Variants in DNASE1 observed in about 807,000 individuals in gnomAD.
DNASE1 encodes the protein deoxyribonuclease 1.
DNASE1 carries 40 observed loss-of-function variants against 33.9 expected under a neutral mutation model. That is an observed-to-expected ratio of 1.18 (90% confidence interval 0.92 to 1.54). The LOEUF (loss-of-function observed/expected upper bound fraction) is 1.54. DNASE1 is among the 40% of genes most tolerant of loss of function. DNASE1 has a pLI of 0.00. For synonymous variants in DNASE1, 216 were observed against 160.0 expected, an observed-to-expected ratio of 1.35 and a Z score of -2.64; for missense variants, 518 against 372.6, an observed-to-expected ratio of 1.39 and a Z score of -3.21.
chr16:3,660,860 G>GT (rs2043033645), downstream of DNASE1: 1 of 152,126 alleles, frequency 6.6e-6, no homozygotes, highest in Non-Finnish European at 1.5e-5. Context: ...GGAGGTAGAA[G>GT]TTGCAGTGAG....
Position 3,656,119 on chromosome 16 carries a change from A to G in DNASE1, c.254A>G (p.Tyr85Cys), listed in dbSNP as rs748381738. Residue 85 changes from tyrosine to cysteine, a missense_variant, in exon 4 of 9, where the codon TAT becomes TGT. By Grantham distance (194) the Tyr-to-Cys change is radical (BLOSUM62 -2). Coordinates refer to ENST00000246949, the MANE Select transcript of DNASE1 (RefSeq NM_005223.4). ...CAATCCAGGGATGCACCAGACACCT[A>G]TCACTACGTGGTCAGTGAGCCACTG... Reference protein sequence around the residue: ...DNLNQDAPDTYHYVVSEPLGR... With the variant: ...DNLNQDAPDTCHYVVSEPLGR... 4 of 1,614,088 alleles carry G rather than the reference A, an allele frequency of 2.5e-6. No individual in the cohort carries two copies. The highest frequency in any genetic ancestry group is 4.5e-5 in the East Asian group (2 of 44,866).
At chr16:3,662,955 A>G (rs374102889), downstream of DNASE1, 3 of 1,611,038 alleles carry the variant, frequency 1.9e-6, no homozygotes, top group Non-Finnish European at 2.5e-6. Context: ...CTTCTCTGAT[A>G]GGCACTCGGC....
upstream of DNASE1, chr16:3,651,742 G>A (rs1470174673): frequency 1.3e-5 from 2 of 152,772 alleles, no homozygotes; most frequent in East Asian, 1.9e-4. Context: ...CCAGGCAGCA[G>A]AGCCACCCCA....
Position 3,657,108 on chromosome 16 carries a change from G to T in DNASE1, c.546G>T (p.Leu182Phe). 1 of 1,614,122 alleles carries T rather than the reference G, an allele frequency of 6.2e-7. No homozygotes were observed. Among genetic ancestry groups the T allele is most frequent in the South Asian group, 1.1e-5 (1 of 91,088 alleles). Reference protein sequence around the residue: ...VYLDVQEKWGLEDVMLMGDFN... With the variant: ...VYLDVQEKWGFEDVMLMGDFN... ...TGGATGTCCAAGAGAAATGGGGCTT[G>T]GAGGTGAGGCCCTCCCAGGGGCAGT... The change falls in exon 6 of 9, where the codon TTG becomes TTT. Residue 182 changes from leucine (L) to phenylalanine (F), a missense_variant. Physicochemically the swap from Leu to Phe is conservative, Grantham distance 22. Coordinates refer to ENST00000246949, the MANE Select transcript of DNASE1 (RefSeq NM_005223.4).
chr16:3,636,404 C>T (rs140257730), intron 1 of DNASE1, among the ~76,000 whole-genome samples: 2 of 152,182 alleles, frequency 1.3e-5, no homozygotes, highest in African/African-American at 4.8e-5. Flanking sequence ...TGTGATAATT[C>T]TAACATCTCT....
chr16:3,655,692 G>C (rs751384681), intron 2 of DNASE1, among the ~76,000 whole-genome samples, 157 bp from the exon 3 acceptor site: 2 of 152,200 alleles, frequency 1.3e-5, no homozygotes, highest in Non-Finnish European at 2.9e-5. Context: ...CATCCCTGCT[G>C]TGCTGTCCCT....
chr16:3,657,600 T>C, intron 7 of DNASE1, 120 bp from the exon 8 acceptor site: 1 of 1,410,540 alleles, frequency 7.1e-7, no homozygotes, highest in Non-Finnish European at 9.8e-7. Context: ...GGGTGTGCAG[T>C]TTTGGGCACC....
chr16:3,648,975 C>A (rs2042251625), intron 1 of DNASE1, among the ~76,000 whole-genome samples: 1 of 152,186 alleles, frequency 6.6e-6, no homozygotes, highest in South Asian at 2.1e-4. Flanking sequence ...TGTCCTTTGC[C>A]ATCTACGATT....
upstream of DNASE1, among the ~76,000 whole-genome samples, chr16:3,641,921 C>T (rs12920491): frequency 3.3e-5 from 5 of 152,220 alleles, 1 homozygote; most frequent in South Asian, 8.3e-4. Context: ...CCAGCCGTCC[C>T]ACCCAGGAAA....
At chr16:3,661,665 A>G, downstream of DNASE1, 1 of 293,920 alleles carries the variant, frequency 3.4e-6, no homozygotes, top group Non-Finnish European at 6.3e-6. Flanking sequence ...GCAAACACCA[A>G]GATCCACGTA....
intron 1 of DNASE1, among the ~76,000 whole-genome samples, chr16:3,635,710 T>G (rs1344475154): frequency 6.9e-6 from 1 of 144,386 alleles, no homozygotes; most frequent in South Asian, 2.1e-4. Flanking sequence ...TTAATAGGGT[T>G]TTTTTTTTTT....
At chr16:3,646,043 G>A (rs549926748) in intron 1 of DNASE1, among the ~76,000 whole-genome samples, 3 of 152,114 alleles carry the variant, frequency 2.0e-5, no homozygotes, top group Admixed American at 6.5e-5. Flanking sequence ...AAAGAACCCC[G>A]AGTAGAGCCA....
At chr16:3,649,287 G>A (rs542303165) in intron 1 of DNASE1, among the ~76,000 whole-genome samples, 10 of 152,302 alleles carry the variant, frequency 6.6e-5, no homozygotes, top group East Asian at 1.9e-4. Flanking sequence ...GAGCCTTCTC[G>A]AGCTATGGGT....
downstream of DNASE1, chr16:3,660,632 A>G (rs1052869848): frequency 3.9e-5 from 6 of 152,260 alleles, no homozygotes; most frequent in African/African-American, 1.2e-4. Flanking sequence ...GTGCACTGAC[A>G]GCCATAAGCC....
At chr16:3,659,615 C>T (rs1057064958), downstream of DNASE1, 2 of 152,016 alleles carry the variant, frequency 1.3e-5, no homozygotes, top group East Asian at 1.9e-4. Flanking sequence ...CTGATAAAAC[C>T]GAGGGCTCTG....
intron 1 of DNASE1, among the ~76,000 whole-genome samples, chr16:3,636,446 A>G (rs978587100): frequency 6.6e-6 from 1 of 152,130 alleles, no homozygotes; most frequent in African/African-American, 2.4e-5. Context: ...GATGCTTGCT[A>G]TATCTCTTCA....
chr16:3,612,469 T>TC (rs1330627519), intron 1 of DNASE1, among the ~76,000 whole-genome samples: 4 of 150,826 alleles, frequency 2.7e-5, no homozygotes, highest in Non-Finnish European at 5.9e-5. Flanking sequence ...CAGGCTGGTC[T>TC]CCAACTCCTG....
chr16:3,621,448 G>C (rs944769485), intron 1 of DNASE1, among the ~76,000 whole-genome samples: 2 of 152,128 alleles, frequency 1.3e-5, no homozygotes, highest in East Asian at 3.8e-4. Flanking sequence ...CTTCAGAAGG[G>C]TACAAAAATT....
intron 1 of DNASE1, among the ~76,000 whole-genome samples, chr16:3,637,729 A>T (rs554596701): frequency 1.3e-4 from 20 of 152,150 alleles, no homozygotes; most frequent in Admixed American, 5.2e-4. Flanking sequence ...GTATGAGAGG[A>T]TCTTTCTCTG....
Sources: gnomAD v4.1 joint callset for allele counts (sites outside exome capture counted in the v4.1 genomes callset) on GRCh38, gnomAD v4.1.1 for gene constraint, MANE v1.5 for transcripts, NCBI Gene and HGNC (gene_info 2026-07-23, HGNC 2026-07-21) for gene names.